The following ARPP21 variants were observed in gnomAD, a reference collection of about 807,000 sequenced individuals.
ARPP21 encodes cAMP-regulated phosphoprotein 21.
ARPP21 carries 69 observed loss-of-function variants against 113.2 expected under a neutral mutation model. The observed-to-expected ratio is 0.61, with a 90% CI of 0.50 to 0.74. The LOEUF (loss-of-function observed/expected upper bound fraction) is 0.74, where lower values mean the gene tolerates loss of function less well. Among genes scored for constraint, ARPP21 ranks in the 30% least tolerant of loss-of-function variants. The pLI, the probability that ARPP21 is intolerant of heterozygous loss-of-function variation, is 0.00. For synonymous variants in ARPP21, 368 were observed against 375.5 expected (o/e 0.98, Z 0.23); for missense variants, 1,070 against 1,037.4 (o/e 1.03, Z -0.43).
At chr3:35,785,715 GT>G (rs2096618264) in intron 19 of ARPP21, among the ~76,000 whole-genome samples, 1 of 152,134 alleles carries the variant, frequency 6.6e-6, no homozygotes, top group African/African-American at 2.4e-5. Context: ...ATTCTGTGTA[GT>G]ATGAAAGCTA....
intron 5 of ARPP21, 73 bp from the exon 6 acceptor site, chr3:35,687,666 C>A (rs1006635093): frequency 1.2e-5 from 16 of 1,387,304 alleles, no homozygotes; most frequent in Middle Eastern, 1.8e-4. Context: ...TACTTTATAA[C>A]CTCTATGCAA....
At chr3:35,763,609 CT>C (rs1431792512) in intron 19 of ARPP21, among the ~76,000 whole-genome samples, 1 of 152,026 alleles carries the variant, frequency 6.6e-6, no homozygotes, top group Admixed American at 6.6e-5. Context: ...AACAAAACCC[CT>C]GAAAATCCTT....
At chr3:35,714,855 G>A (rs536360344) in intron 11 of ARPP21, 5 of 151,636 alleles carry the variant, frequency 3.3e-5, no homozygotes, top group South Asian at 2.1e-4. Flanking sequence ...TTTAATTAGC[G>A]TATTTTCATC....
At chr3:35,787,524 C>G (rs865807566) in intron 19 of ARPP21, among the ~76,000 whole-genome samples, 1 of 152,126 alleles carries the variant, frequency 6.6e-6, no homozygotes, top group African/African-American at 2.4e-5. Flanking sequence ...TCACCCATAC[C>G]TCACCCCTCA....
chr3:35,791,884 T>TA (rs1434744442), intron 19 of ARPP21, among the ~76,000 whole-genome samples: 2 of 152,084 alleles, frequency 1.3e-5, no homozygotes, highest in Non-Finnish European at 2.9e-5. Context: ...CACTAGGACA[T>TA]AAAAAAATAG....
At chr3:35,723,541 A>C (rs924759790) in intron 14 of ARPP21, among the ~76,000 whole-genome samples, 2 of 152,232 alleles carry the variant, frequency 1.3e-5, no homozygotes, top group Non-Finnish European at 2.9e-5. Context: ...ACTGTAGTAC[A>C]CTTGAGCTCT....
intron 1 of ARPP21, chr3:35,650,588 G>T (rs2148972596): frequency 6.6e-6 from 1 of 152,152 alleles, no homozygotes; most frequent in Non-Finnish European, 1.5e-5. Context: ...TTTGAGGGTA[G>T]AAAAATATTG....
At chr3:35,737,963 C>T (rs760657651) in intron 16 of ARPP21, among the ~76,000 whole-genome samples, 4 of 152,096 alleles carry the variant, frequency 2.6e-5, no homozygotes, top group Non-Finnish European at 5.9e-5. Flanking sequence ...ATTTTCAGAC[C>T]CAGAGGATCT....
At chr3:35,729,745 T>G (rs2093811235) in intron 15 of ARPP21, among the ~76,000 whole-genome samples, 1 of 152,246 alleles carries the variant, frequency 6.6e-6, no homozygotes. Flanking sequence ...AATATCTATA[T>G]TGATGTATAG....
In ARPP21 at chr3:35,663,707, C is replaced by G. The variant is rs542354679; in HGVS notation, c.-212-16080C>G. Among the ~76,000 whole-genome samples the G allele has an allele frequency of 2.1e-4, 32 of 152,216 alleles. No homozygotes were observed. In the South Asian group the frequency reaches 6.6e-3, roughly 32 times the overall value. ...AGTGCAGTTGAAGCTGTCAGAGCCA[C>G]GGTTCTGGGAAGTGGCACGCTCACC... On this transcript the variant is annotated intron_variant, in intron 1 of 20. Transcript: ENST00000684406.
At chr3:35,733,892 C>T (rs1347754123) in intron 15 of ARPP21, among the ~76,000 whole-genome samples, 1 of 152,152 alleles carries the variant, frequency 6.6e-6, no homozygotes, top group Non-Finnish European at 1.5e-5. Context: ...TTCTAGCCCA[C>T]AGCATATTAA....
At chr3:35,667,345 T>G (rs1053742934) in intron 1 of ARPP21, among the ~76,000 whole-genome samples, 2 of 152,180 alleles carry the variant, frequency 1.3e-5, no homozygotes, top group African/African-American at 4.8e-5. Context: ...GTAAACTAAT[T>G]TAAGAATGAA....
intron 15 of ARPP21, among the ~76,000 whole-genome samples, chr3:35,731,398 A>G (rs1005638317): frequency 4.6e-5 from 7 of 152,196 alleles, no homozygotes; most frequent in African/African-American, 1.7e-4. Flanking sequence ...AAGGAAAAGG[A>G]TTTAATAACA....
intron 1 of ARPP21, among the ~76,000 whole-genome samples, chr3:35,677,388 C>A (rs568814286): frequency 6.6e-6 from 1 of 151,930 alleles, no homozygotes; most frequent in South Asian, 2.1e-4. Flanking sequence ...GTTCTCCCTA[C>A]CTTTCTTCCT....
chr3:35,685,474 G>C, intron 5 of ARPP21: 1 of 985,266 alleles, frequency 1.0e-6, no homozygotes, highest in Non-Finnish European at 1.2e-6. Flanking sequence ...AGACTTTTGA[G>C]TTTATATGCA....
intron 9 of ARPP21, among the ~76,000 whole-genome samples, chr3:35,698,688 G>T (rs184972553): frequency 6.6e-6 from 1 of 151,602 alleles, no homozygotes; most frequent in East Asian, 1.9e-4. Context: ...ACATTAACAG[G>T]CTTAATACTC....
intron 15 of ARPP21, among the ~76,000 whole-genome samples, chr3:35,732,314 T>C (rs2094038626): frequency 6.6e-6 from 1 of 152,244 alleles, no homozygotes; most frequent in Non-Finnish European, 1.5e-5. Flanking sequence ...CCTACTCACA[T>C]ATACCCTTGC....
intron 5 of ARPP21, chr3:35,684,882 T>A (rs2080090593): frequency 1.0e-6 from 1 of 985,278 alleles, no homozygotes; most frequent in Non-Finnish European, 1.2e-6. Context: ...GCCATTACTA[T>A]GTTTCGTACA....
intron 18 of ARPP21, 90 bp from the exon 19 acceptor site, chr3:35,743,749 C>A: frequency 7.0e-7 from 1 of 1,418,846 alleles, no homozygotes; most frequent in Non-Finnish European, 9.9e-7. Context: ...CACAACCTAC[C>A]ACAATTATAA....
Sources: allele counts gnomAD v4.1 joint callset (sites outside exome capture counted in the v4.1 genomes callset), GRCh38; gene constraint gnomAD v4.1.1; transcripts MANE v1.5; gene names NCBI Gene and HGNC (gene_info 2026-07-23, HGNC 2026-07-21).